FBXW7: variants seen among roughly 807,000 people sequenced by gnomAD.
The protein encoded by FBXW7 is F-box and WD repeat domain containing 7, also known as F-box/WD repeat-containing protein 7.
A neutral mutation model predicts 86.3 loss-of-function variants in FBXW7; 11 were observed. That is an observed-to-expected ratio of 0.13 (90% confidence interval 0.08 to 0.21). The LOEUF is 0.21. FBXW7 is among the 10% of genes least tolerant of loss of function. FBXW7 has a pLI of 1.00. For synonymous variants in FBXW7, 313 were observed against 297.9 expected, an observed-to-expected ratio of 1.05 and a Z score of -0.52; for missense variants, 488 against 847.4, an observed-to-expected ratio of 0.58 and a Z score of 5.27.
At chr4:152,437,785 A>G (rs551655773) in intron 2 of FBXW7, among the ~76,000 whole-genome samples, 3 of 152,340 alleles carry the variant, frequency 2.0e-5, no homozygotes, top group South Asian at 4.1e-4. Flanking sequence ...ACATCACTCT[A>G]TCAGTCAGCA....
intron 2 of FBXW7, among the ~76,000 whole-genome samples, chr4:152,475,847 T>TA (rs1355499114): frequency 6.6e-6 from 1 of 152,020 alleles, no homozygotes; most frequent in Non-Finnish European, 1.5e-5. Flanking sequence ...ATCAAAGACC[T>TA]AAAAAATGGA....
chr4:152,464,558 C>G (rs60156660), intron 2 of FBXW7, among the ~76,000 whole-genome samples: 7,637 of 152,146 alleles, frequency 0.05, 321 homozygotes, highest in African/African-American at 0.11. Context: ...AAGGAACCTG[C>G]ATAAACTAGG....
chr4:152,380,088 T>C (rs140433974), intron 4 of FBXW7, among the ~76,000 whole-genome samples: 1 of 152,304 alleles, frequency 6.6e-6, no homozygotes, highest in Non-Finnish European at 1.5e-5. Context: ...ATTCAGCTCA[T>C]GACTTAGAAG....
At chr4:152,474,235 T>C (rs181386479) in intron 2 of FBXW7, among the ~76,000 whole-genome samples, 40 of 152,336 alleles carry the variant, frequency 2.6e-4, no homozygotes, top group South Asian at 1.2e-3. Flanking sequence ...AGATGCACAA[T>C]GAATTCAGCG....
chr4:152,410,434 A>G (rs1737839401), intron 4 of FBXW7, among the ~76,000 whole-genome samples: 1 of 152,192 alleles, frequency 6.6e-6, no homozygotes, highest in African/African-American at 2.4e-5. Flanking sequence ...TGGATGAAAA[A>G]TCACTACTTG....
rs549736026 is a variant in FBXW7, at chr4:152,465,356, T to C, written c.-119-52827A>G. 2.0e-5 allele frequency among the ~76,000 whole-genome samples: 3 copies of C among 152,322 alleles called. No homozygotes were observed. The East Asian group carries it at 5.8e-4, about 29-fold the overall frequency. On this transcript the variant is annotated intron_variant, in intron 2 of 13. Coordinates refer to ENST00000281708, the MANE Select transcript of FBXW7 (RefSeq NM_001349798.2). Reference sequence around the variant, plus strand: ...TATTTTGCCTTAATTCAGCCATAAATAGGTCACCAAAATCCTCTTAATTAC... The same window carrying C: ...TATTTTGCCTTAATTCAGCCATAAACAGGTCACCAAAATCCTCTTAATTAC...
At chr4:152,397,493 A>C (rs1479004087) in intron 4 of FBXW7, among the ~76,000 whole-genome samples, 1 of 151,814 alleles carries the variant, frequency 6.6e-6, no homozygotes, top group Non-Finnish European at 1.5e-5. Context: ...CTGCAGCCTC[A>C]AACTCCTGGG....
chr4:152,330,922 CA>C (rs1164654214), intron 8 of FBXW7, 54 bp from the exon 9 acceptor site: 1 of 1,550,306 alleles, frequency 6.5e-7, no homozygotes, highest in Non-Finnish European at 8.8e-7. Context: ...AACAGTTATA[CA>C]TTTTATAAAG....
intron 6 of FBXW7, among the ~76,000 whole-genome samples, chr4:152,340,575 CAAAAAAAAAAAAAAA>C (rs556530800): frequency 6.3e-5 from 2 of 31,914 alleles, no homozygotes; most frequent in African/African-American, 2.6e-4. Context: ...AACTCCATCT[CAAAAAAAAAAAAAAA>C]AAAAAAAAAG....
At chr4:152,478,024 C>A (rs1396917739) in intron 2 of FBXW7, among the ~76,000 whole-genome samples, 1 of 151,982 alleles carries the variant, frequency 6.6e-6, no homozygotes, top group Admixed American at 6.6e-5. Flanking sequence ...ATATTTTTCA[C>A]AAGTAACATC....
In FBXW7 at chr4:152,322,691, T is replaced by G; in HGVS notation, c.*190A>C. The G allele has an allele frequency of 1.0e-6, 1 of 956,142 alleles. No individual in the cohort carries two copies. The highest frequency in any genetic ancestry group is 1.5e-6 in the Non-Finnish European group (1 of 677,386). 59.2% of individuals were successfully genotyped at this position (956,142 alleles called of 1,614,324 possible). On this transcript the variant is annotated 3_prime_UTR_variant, in exon 14 of 14. Transcript: ENST00000281708. ...GACAGCAGACGCCTCTCTTGTCAGT[T>G]ATGGTTTGTCATCTCTTCTTCTTTT... is the stretch of plus-strand genomic sequence containing the variant.
intron 4 of FBXW7, among the ~76,000 whole-genome samples, chr4:152,405,198 C>A (rs1278761729): frequency 2.7e-5 from 4 of 150,618 alleles, no homozygotes; most frequent in African/African-American, 9.8e-5. Context: ...AACAAATTTA[C>A]CAAATTTCTA....
chr4:152,466,458 G>C (rs1416019160), intron 2 of FBXW7, among the ~76,000 whole-genome samples: 6 of 151,812 alleles, frequency 4.0e-5, no homozygotes, highest in Non-Finnish European at 5.9e-5. Context: ...GGGAGGCTCA[G>C]GCATGAGAAT....
At chr4:152,518,435 T>C (rs1297835569) in intron 2 of FBXW7, among the ~76,000 whole-genome samples, 5 of 152,144 alleles carry the variant, frequency 3.3e-5, no homozygotes, top group Non-Finnish European at 7.3e-5. Context: ...TAACTAGGAC[T>C]ACAGGTGCAC....
At chr4:152,428,068 G>C (rs1739541839) in intron 2 of FBXW7, among the ~76,000 whole-genome samples, 1 of 152,022 alleles carries the variant, frequency 6.6e-6, no homozygotes, top group Non-Finnish European at 1.5e-5. Flanking sequence ...TGGAACCTTG[G>C]GTATGTTTTT....
At chr4:152,454,571 T>A (rs536940179) in intron 2 of FBXW7, among the ~76,000 whole-genome samples, 7 of 152,064 alleles carry the variant, frequency 4.6e-5, no homozygotes, top group Non-Finnish European at 8.8e-5. Context: ...GCAAAAAAAA[T>A]TTAACAGGGT....
At chr4:152,353,830 C>T (rs1560795729) in intron 4 of FBXW7, among the ~76,000 whole-genome samples, 1 of 152,168 alleles carries the variant, frequency 6.6e-6, no homozygotes. Flanking sequence ...TTATAAGATT[C>T]CTTGAGCTAG....
intron 2 of FBXW7, among the ~76,000 whole-genome samples, chr4:152,425,101 C>T (rs577791390): frequency 6.6e-6 from 1 of 152,346 alleles, no homozygotes; most frequent in Non-Finnish European, 1.5e-5. Context: ...CCACTCTTGT[C>T]TACCTGATTT....
chr4:152,408,103 G>A (rs1737588382), intron 4 of FBXW7, among the ~76,000 whole-genome samples: 2 of 152,148 alleles, frequency 1.3e-5, no homozygotes. Context: ...GAAAAAAATA[G>A]ACTAATTTGA....
Sources: gnomAD v4.1 joint callset for allele counts (sites outside exome capture counted in the v4.1 genomes callset) on GRCh38, gnomAD v4.1.1 for gene constraint, MANE v1.5 for transcripts, NCBI Gene and HGNC (gene_info 2026-07-23, HGNC 2026-07-21) for gene names.